TG: variants seen among roughly 807,000 people sequenced by gnomAD.
TG encodes the protein thyroglobulin, also known as thyroid hormones.
Under a neutral mutation model 324.7 loss-of-function variants are expected in TG, and 270 were observed. That is an observed-to-expected ratio of 0.83 (90% CI 0.75 to 0.92). The LOEUF (loss-of-function observed/expected upper bound fraction) is 0.92. Among genes scored for constraint, TG ranks in the 40% least tolerant of loss-of-function variants. TG has a pLI of 0.00. For synonymous variants in TG, 1,401 were observed against 1,327.0 expected, an observed-to-expected ratio of 1.06 and a Z score of -1.21; for missense variants, 3,591 against 3,456.4, an observed-to-expected ratio of 1.04 and a Z score of -0.98.
chr8:133,090,731 T>G (rs1295714162), intron 41 of TG, among the ~76,000 whole-genome samples: 1 of 152,120 alleles, frequency 6.6e-6, no homozygotes, highest in African/African-American at 2.4e-5. Flanking sequence ...GATCATAATA[T>G]CTCCATTTTA....
In TG at chr8:132,911,524, C is replaced by CATGA. The variant is rs1819522397; in HGVS notation, c.4151_4154dup (p.Asp1385GlufsTer2). ...CCCAGTGGCTTCTCTTCCTGACTTA[C>CATGA]ATGACATTGGTATGTTTTTCTGTGG... On this transcript the variant is annotated frameshift_variant, in exon 19 of 48. Transcript: ENST00000220616. LOFTEE classifies it high-confidence loss of function. 1 of 1,613,268 alleles carries CATGA rather than the reference C, an allele frequency of 6.2e-7. No homozygotes were observed. The highest frequency in any genetic ancestry group is 1.3e-5 in the African/African-American group (1 of 74,910).
chr8:132,995,674 G>A (rs975901362), intron 35 of TG, among the ~76,000 whole-genome samples: 7 of 152,202 alleles, frequency 4.6e-5, no homozygotes, highest in African/African-American at 1.7e-4. Context: ...GTTTGGGGAA[G>A]TTGGTGGGGA....
chr8:132,897,653 A>G lies in TG; in HGVS notation c.3006A>G (p.Leu1002=). 6.2e-7 allele frequency: 1 copy of G among 1,614,160 alleles called. No individual in the cohort carries two copies. Among genetic ancestry groups the G allele is most frequent in the Non-Finnish European group, 8.5e-7 (1 of 1,180,022 alleles). The change falls in exon 12 of 48, where the codon TTA becomes TTG. Residue 1002 remains leucine, a synonymous_variant. Coordinates refer to ENST00000220616, the MANE Select transcript of TG (RefSeq NM_003235.5). The part of the protein sequence containing the change: ...YAIRLAAQST[L]SFYQRRRFSP... ...TTTCTCCTTCCCTGACTCCAGCCTT[A>G]AGCTTCTATCAGAGACGCCGCTTTT...
intron 16 of TG, among the ~76,000 whole-genome samples, chr8:132,905,873 A>G (rs541667154): frequency 1.3e-5 from 2 of 152,304 alleles, no homozygotes; most frequent in Admixed American, 1.3e-4. Context: ...TTGAGGGTCA[A>G]AAAGGAATCT....
chr8:133,128,345 A>AGG (rs1851691882), intron 45 of TG, among the ~76,000 whole-genome samples: 1 of 85,960 alleles, frequency 1.2e-5, no homozygotes, highest in African/African-American at 6.7e-5. Context: ...GTGCACACAC[A>AGG]CACACACACA....
intron 43 of TG, among the ~76,000 whole-genome samples, chr8:133,105,799 G>A (rs765211622): frequency 1.3e-5 from 2 of 152,186 alleles, no homozygotes; most frequent in Admixed American, 1.3e-4. Flanking sequence ...AGAGACAGCA[G>A]AACGAGGTTC....
chr8:133,003,278 T>A (rs1434309123), intron 35 of TG: 1 of 153,136 alleles, frequency 6.5e-6, no homozygotes, highest in South Asian at 2.1e-4. Context: ...TTAAACACGA[T>A]TATCTACATA....
At chr8:132,936,804 G>C (rs1823672709) in intron 25 of TG, among the ~76,000 whole-genome samples, 1 of 152,190 alleles carries the variant, frequency 6.6e-6, no homozygotes, top group Non-Finnish European at 1.5e-5. Context: ...TGCGCTCTGG[G>C]CCATGGCCAG....
In TG at chr8:132,911,552, G is replaced by A. The variant is rs1334087770; in HGVS notation, c.4159+19G>A. 1 of 1,598,680 alleles carries A rather than the reference G, an allele frequency of 6.3e-7. No individual in the cohort carries two copies. The highest frequency in any genetic ancestry group is 8.6e-7 in the Non-Finnish European group (1 of 1,165,974). ...GACATTGGTATGTTTTTCTGTGGTA[G>A]TACCTAGAATAAGCTATGCAGCCTC... On this transcript the variant is annotated intron_variant, in intron 19 of 47. Transcript: ENST00000220616.
intron 27 of TG, among the ~76,000 whole-genome samples, chr8:132,953,319 G>A (rs1200969342): frequency 2.0e-5 from 3 of 152,138 alleles, no homozygotes; most frequent in South Asian, 2.1e-4. Flanking sequence ...GCAGCTGCTG[G>A]GTAGATGTGA....
chr8:133,123,964 G>A (rs906514076), intron 45 of TG, among the ~76,000 whole-genome samples: 20 of 152,284 alleles, frequency 1.3e-4, no homozygotes, highest in Admixed American at 1.2e-3. Context: ...CTGGCAGAGA[G>A]TGAACACTGA....
intron 45 of TG, among the ~76,000 whole-genome samples, chr8:133,119,092 A>G (rs935323648): frequency 3.3e-5 from 5 of 152,162 alleles, no homozygotes; most frequent in African/African-American, 9.7e-5. Flanking sequence ...TTTTGGCTCA[A>G]ACTGGTTTTG....
intron 17 of TG, among the ~76,000 whole-genome samples, chr8:132,907,419 C>T (rs1587353323): frequency 6.6e-6 from 1 of 152,224 alleles, no homozygotes; most frequent in Non-Finnish European, 1.5e-5. Context: ...AAGTTTCGGC[C>T]CCCTTTCCTA....
intron 35 of TG, 67 bp from the exon 36 acceptor site, chr8:133,011,834 T>TA: frequency 6.2e-7 from 1 of 1,611,088 alleles, no homozygotes; most frequent in Non-Finnish European, 8.5e-7. Flanking sequence ...TATTGGGTAA[T>TA]ACACGGCTGT....
At chr8:132,869,348 C>G (rs532637478) in intron 2 of TG, among the ~76,000 whole-genome samples, 21 of 152,264 alleles carry the variant, frequency 1.4e-4, no homozygotes, top group African/African-American at 4.8e-4. Flanking sequence ...CCACTAACAT[C>G]CCACCCCCAA....
chr8:132,923,628 T>A, intron 22 of TG, 120 bp downstream of exon 22: 1 of 1,235,030 alleles, frequency 8.1e-7, no homozygotes, highest in Non-Finnish European at 1.1e-6. Context: ...TTTTGAAAAA[T>A]TTTAATCTGT....
chr8:132,974,993 T>G (rs1830017858), intron 34 of TG, among the ~76,000 whole-genome samples: 1 of 152,234 alleles, frequency 6.6e-6, no homozygotes, highest in African/African-American at 2.4e-5. Flanking sequence ...TATTTTAACA[T>G]CTGAAATTAT....
chr8:133,094,896 T>C, intron 41 of TG, 148 bp from the exon 42 acceptor site: 1 of 1,034,704 alleles, frequency 9.7e-7, no homozygotes, highest in Non-Finnish European at 1.5e-6. Flanking sequence ...AATCCTTATC[T>C]TCCCATTGTG....
intron 34 of TG, among the ~76,000 whole-genome samples, chr8:132,973,433 C>T (rs1048621689): frequency 4.3e-5 from 6 of 138,150 alleles, no homozygotes; most frequent in East Asian, 3.9e-4. Flanking sequence ...CTATGTGGCA[C>T]GTTTTAGGAG....
Sources: gnomAD v4.1 joint callset for allele counts (sites outside exome capture counted in the v4.1 genomes callset) on GRCh38, gnomAD v4.1.1 for gene constraint, MANE v1.5 for transcripts, NCBI Gene and HGNC (gene_info 2026-07-23, HGNC 2026-07-21) for gene names.